The following FSTL4 variants were observed in gnomAD, a reference collection of about 807,000 sequenced individuals.
FSTL4 encodes the protein follistatin-related protein 4.
Under a neutral mutation model 78.2 loss-of-function variants are expected in FSTL4, and 28 were observed. That is an observed-to-expected ratio of 0.36 (90% confidence interval 0.27 to 0.49). The LOEUF is 0.49. Among genes scored for constraint, FSTL4 ranks in the 20% least tolerant of loss-of-function variants. The probability of loss-of-function intolerance (pLI) is 0.98; values close to 1 mark genes in which losing one functional copy is unlikely to be tolerated. For synonymous variants in FSTL4, 422 were observed against 440.5 expected (o/e 0.96, Z 0.53); for missense variants, 922 against 1,084.9 (o/e 0.85, Z 2.11).
chr5:133,471,871 C>T (rs943577979), intron 3 of FSTL4, among the ~76,000 whole-genome samples: 1 of 152,230 alleles, frequency 6.6e-6, no homozygotes, highest in Non-Finnish European at 1.5e-5. Flanking sequence ...TAACACTACA[C>T]TTTTCATCCC....
intron 4 of FSTL4, among the ~76,000 whole-genome samples, chr5:133,370,367 C>A (rs80176581): frequency 0.08 from 12,146 of 152,034 alleles, 528 homozygotes; most frequent in Non-Finnish European, 0.093. Context: ...GCCAGCCTCT[C>A]TAAAAGTGAA....
intron 10 of FSTL4, 161 bp from the exon 11 acceptor site, chr5:133,224,377 C>T (rs1288500719): frequency 1.8e-6 from 1 of 557,438 alleles, no homozygotes; most frequent in African/African-American, 1.9e-5. Flanking sequence ...GGAACAGTAT[C>T]TTGGGGGAAG....
chr5:133,247,962 C>G (rs941193930), intron 7 of FSTL4: 1 of 152,264 alleles, frequency 6.6e-6, no homozygotes, highest in Non-Finnish European at 1.5e-5. Context: ...GTTCCTGCAG[C>G]ATTTCATGCT....
chr5:133,685,229 G>C, the FSTL4 span, among the ~76,000 whole-genome samples: 1 of 152,246 alleles, frequency 6.6e-6, no homozygotes, highest in Admixed American at 6.5e-5. Context: ...CCACTCTTTT[G>C]GATGGTCATT....
chr5:133,569,583 G>A (rs1180953076), intron 2 of FSTL4, among the ~76,000 whole-genome samples: 1 of 152,084 alleles, frequency 6.6e-6, no homozygotes, highest in African/African-American at 2.4e-5. Flanking sequence ...TGCTGTAGCA[G>A]AACAGATGCT....
chr5:133,435,140 G>A lies in FSTL4; in HGVS notation c.161-34154C>T, dbSNP rs987967667. Among the ~76,000 whole-genome samples the A allele has an allele frequency of 1.8e-4, 28 of 152,018 alleles. 1 individual carries two copies. The highest frequency in any genetic ancestry group is 1.6e-3 in the Admixed American group (25 of 15,264). On this transcript the variant is annotated intron_variant, in intron 3 of 15. Transcript: ENST00000265342. ...TAATTGTATCTTCCTTTTTTATGTGGTTTAGGAAAGCCCCACTCACCTTAG... is the reference window on the plus strand; with the variant it reads ...TAATTGTATCTTCCTTTTTTATGTGATTTAGGAAAGCCCCACTCACCTTAG...
the FSTL4 span, among the ~76,000 whole-genome samples, chr5:133,639,640 G>A: frequency 2.0e-5 from 3 of 152,194 alleles, no homozygotes; most frequent in Admixed American, 1.3e-4. Flanking sequence ...CTACTCTCGG[G>A]CCATCTGTGG....
chr5:133,458,672 A>C (rs929663135), intron 3 of FSTL4, among the ~76,000 whole-genome samples: 1 of 152,232 alleles, frequency 6.6e-6, no homozygotes. Flanking sequence ...CCTCATGGGA[A>C]TGCCCCCAGA....
intron 4 of FSTL4, among the ~76,000 whole-genome samples, chr5:133,354,329 G>A (rs1380141412): frequency 2.0e-5 from 3 of 152,202 alleles, no homozygotes; most frequent in African/African-American, 7.2e-5. Context: ...AATCCCTATT[G>A]CTGAAATGGG....
intron 3 of FSTL4, among the ~76,000 whole-genome samples, chr5:133,481,013 G>A (rs1011445333): frequency 2.0e-5 from 3 of 151,898 alleles, no homozygotes; most frequent in East Asian, 2.0e-4. Context: ...CGAGTAACCC[G>A]CTGGGTTCCA....
At chr5:133,555,402 A>G (rs1389640478) in intron 3 of FSTL4, among the ~76,000 whole-genome samples, 11 of 152,206 alleles carry the variant, frequency 7.2e-5, no homozygotes, top group Admixed American at 7.2e-4. Flanking sequence ...CTCTGCCTCA[A>G]TTAGCTGTGT....
At chr5:133,454,828 C>G (rs561978959) in intron 3 of FSTL4, among the ~76,000 whole-genome samples, 1 of 152,258 alleles carries the variant, frequency 6.6e-6, no homozygotes, top group East Asian at 1.9e-4. Context: ...GCAACCAGAC[C>G]AGGCCTGCAA....
rs189051442 is a variant in FSTL4 at position 133,576,406 on chromosome 5, T to C, written c.127-9187A>G. ...GGATTCACTGGGAAAATATTGGCTA[T>C]GTGGGTTACGAAAGTGGGGGATCAA... On this transcript the variant is annotated intron_variant, in intron 2 of 15. Coordinates refer to ENST00000265342, the MANE Select transcript of FSTL4 (RefSeq NM_015082.2). Among the ~76,000 whole-genome samples the C allele has an allele frequency of 2.7e-3, 416 of 152,320 alleles. 4 individuals are homozygous for C. Among genetic ancestry groups the C allele is most frequent in the African/African-American group, 9.6e-3 (401 of 41,564 alleles).
At chr5:133,492,522 A>T (rs1020713491) in intron 3 of FSTL4, among the ~76,000 whole-genome samples, 5 of 152,176 alleles carry the variant, frequency 3.3e-5, no homozygotes, top group African/African-American at 1.2e-4. Flanking sequence ...TGTTTAGAAG[A>T]TATTATTCAA....
chr5:133,488,546 A>G (rs1580741253), intron 3 of FSTL4, among the ~76,000 whole-genome samples: 1 of 152,150 alleles, frequency 6.6e-6, no homozygotes, highest in African/African-American at 2.4e-5. Flanking sequence ...GAGCCACTGC[A>G]CCCAGCCAAG....
intron 3 of FSTL4, among the ~76,000 whole-genome samples, chr5:133,481,499 G>A (rs1021505580): frequency 2.0e-4 from 26 of 128,970 alleles, no homozygotes; most frequent in South Asian, 7.4e-4. Flanking sequence ...CCAAGATTGC[G>A]CCCCTGCACT....
intron 3 of FSTL4, among the ~76,000 whole-genome samples, chr5:133,544,722 A>G (rs1759540921): frequency 6.6e-6 from 1 of 152,230 alleles, no homozygotes; most frequent in Non-Finnish European, 1.5e-5. Context: ...GCTCAGGATA[A>G]GAGCAACTTA....
chr5:133,768,190 A>G, the FSTL4 span, among the ~76,000 whole-genome samples: 3 of 152,216 alleles, frequency 2.0e-5, no homozygotes, highest in East Asian at 5.8e-4. Flanking sequence ...CTCTCCATCC[A>G]GAATGGAGCA....
chr5:133,696,397 GC>G, the FSTL4 span, among the ~76,000 whole-genome samples: 1 of 152,180 alleles, frequency 6.6e-6, no homozygotes, highest in Non-Finnish European at 1.5e-5. Context: ...GGTCCTTGGG[GC>G]CCATCCCAGG....
Sources: allele counts gnomAD v4.1 joint callset (sites outside exome capture counted in the v4.1 genomes callset), GRCh38; gene constraint gnomAD v4.1.1; transcripts MANE v1.5; gene names NCBI Gene and HGNC (gene_info 2026-07-23, HGNC 2026-07-21).